Variants in CLMP observed in about 807,000 individuals in gnomAD.
The protein encoded by CLMP is CXADR like cell adhesion molecule.
A neutral mutation model predicts 45.2 loss-of-function variants in CLMP; 27 were observed. The ratio of observed to expected loss-of-function variants is 0.60; its 90% CI spans 0.44 to 0.82. The LOEUF is 0.82. Among genes scored for constraint, CLMP ranks in the 40% least tolerant of loss-of-function variants. The pLI is 0.00. For synonymous variants in CLMP, 167 were observed against 171.4 expected, an observed-to-expected ratio of 0.97 and a Z score of 0.20; for missense variants, 403 against 448.4, an observed-to-expected ratio of 0.90 and a Z score of 0.91.
intron 1 of CLMP, among the ~76,000 whole-genome samples, chr11:123,119,035 CTCTCTCTCT>C: frequency 1.8e-5 from 1 of 56,472 alleles, no homozygotes; most frequent in African/African-American, 9.6e-5. Flanking sequence ...CTCTCTCTCT[CTCTCTCTCT>C]CCCTCTCCCT....
intron 2 of CLMP, among the ~76,000 whole-genome samples, chr11:123,085,595 TA>T (rs35921171): frequency 0.55 from 45,087 of 82,208 alleles, 9,806 homozygotes; most frequent in Middle Eastern, 0.59. Context: ...GCTACAAAGA[TA>T]AAAAAAAAAA....
At chr11:123,160,087 T>G (rs758124200) in intron 1 of CLMP, among the ~76,000 whole-genome samples, 25 of 151,964 alleles carry the variant, frequency 1.6e-4, no homozygotes, top group Non-Finnish European at 3.5e-4. Flanking sequence ...GAGGCCAGCC[T>G]GGTCAACATG....
intron 2 of CLMP, among the ~76,000 whole-genome samples, chr11:123,095,367 C>T (rs1480042904): frequency 1.3e-5 from 2 of 152,032 alleles, no homozygotes; most frequent in African/African-American, 4.8e-5. Context: ...ATCTCAGCTC[C>T]AAGCTATTCT....
chr11:123,159,070 T>C (rs1203928305), intron 1 of CLMP, among the ~76,000 whole-genome samples: 1 of 152,168 alleles, frequency 6.6e-6, no homozygotes, highest in Non-Finnish European at 1.5e-5. Context: ...TAGGCCTAGT[T>C]CTAAGACATT....
At chr11:123,138,344 A>AT (rs1861106548) in intron 1 of CLMP, among the ~76,000 whole-genome samples, 1 of 151,622 alleles carries the variant, frequency 6.6e-6, no homozygotes, top group African/African-American at 2.4e-5. Flanking sequence ...CCTGTTACGA[A>AT]TTTTATGAAG....
intron 2 of CLMP, among the ~76,000 whole-genome samples, chr11:123,096,285 C>T (rs1339315869): frequency 6.6e-6 from 1 of 151,920 alleles, no homozygotes; most frequent in Non-Finnish European, 1.5e-5. Context: ...ACCCAGGAGG[C>T]GGAGGTGGCA....
chr11:123,157,508 G>A (rs1296315008), intron 1 of CLMP, among the ~76,000 whole-genome samples: 2 of 151,782 alleles, frequency 1.3e-5, no homozygotes, highest in African/African-American at 4.8e-5. Flanking sequence ...AGCCGAGATC[G>A]CGCCATTGCA....
At chr11:123,194,640 C>G (rs1861954217) in intron 1 of CLMP, among the ~76,000 whole-genome samples, 1 of 152,240 alleles carries the variant, frequency 6.6e-6, no homozygotes, top group African/African-American at 2.4e-5. Context: ...TTCCCAGATA[C>G]ACCAGAAACT....
intron 1 of CLMP, among the ~76,000 whole-genome samples, chr11:123,119,889 G>A (rs1362207544): frequency 6.6e-6 from 1 of 152,096 alleles, no homozygotes; most frequent in South Asian, 2.1e-4. Context: ...GTTTCACCAT[G>A]TTGGCTAGGC....
intron 2 of CLMP, among the ~76,000 whole-genome samples, chr11:123,093,057 G>A (rs536149420): frequency 6.6e-6 from 1 of 151,204 alleles, no homozygotes; most frequent in South Asian, 2.1e-4. Context: ...ACAGGCACCC[G>A]CCATCACTCC....
At chr11:123,126,576 G>A (rs1860898065) in intron 1 of CLMP, among the ~76,000 whole-genome samples, 1 of 152,018 alleles carries the variant, frequency 6.6e-6, no homozygotes, top group Non-Finnish European at 1.5e-5. Context: ...TTCTACTCTT[G>A]AGCTAAGTTT....
rs369149917 is a variant in CLMP, at chr11:123,124,933, G to C, written c.29-26981C>G. On this transcript the variant is annotated intron_variant, in intron 1 of 6. Transcript: ENST00000448775. The stretch of plus-strand genomic sequence containing the variant: ...CTTTTTTGAGACAGGGTCTGGCTCT[G>C]TCACCCAGGCTGGAGTGCAGTGGTG... 3.2e-4 allele frequency among the ~76,000 whole-genome samples: 49 copies of C among 152,256 alleles called. 2 individuals are homozygous for C. The highest frequency in any genetic ancestry group is 1.1e-3 in the Admixed American group (17 of 15,290).
chr11:123,088,705 A>G (rs901732051), intron 2 of CLMP, among the ~76,000 whole-genome samples: 1 of 152,126 alleles, frequency 6.6e-6, no homozygotes, highest in East Asian at 1.9e-4. Flanking sequence ...CACTCATTGC[A>G]ACCTCCGCCT....
At chr11:123,157,617 G>T (rs1248739623) in intron 1 of CLMP, among the ~76,000 whole-genome samples, 1 of 151,818 alleles carries the variant, frequency 6.6e-6, no homozygotes. Flanking sequence ...TACTCCGGAG[G>T]CTGAGGCAGG....
At chr11:123,167,179 G>A (rs540166776) in intron 1 of CLMP, among the ~76,000 whole-genome samples, 4 of 152,278 alleles carry the variant, frequency 2.6e-5, no homozygotes, top group African/African-American at 7.2e-5. Flanking sequence ...CATTATTATC[G>A]TCCTTTGTTT....
At chr11:123,096,381 A>C (rs1865989690) in intron 2 of CLMP, among the ~76,000 whole-genome samples, 1 of 151,504 alleles carries the variant, frequency 6.6e-6, no homozygotes, top group Non-Finnish European at 1.5e-5. Flanking sequence ...AAAATCAGCC[A>C]GGCGTGGTGG....
chr11:123,094,948 T>A (rs1031134896), intron 2 of CLMP, among the ~76,000 whole-genome samples: 1 of 152,066 alleles, frequency 6.6e-6, no homozygotes, highest in Non-Finnish European at 1.5e-5. Context: ...TTGTAAAAAA[T>A]TATTAAATGT....
chr11:123,159,911 G>A (rs1861461920), intron 1 of CLMP, among the ~76,000 whole-genome samples: 1 of 152,168 alleles, frequency 6.6e-6, no homozygotes, highest in Admixed American at 6.5e-5. Flanking sequence ...TGATGATGAT[G>A]ATAATTTTAT....
intron 2 of CLMP, among the ~76,000 whole-genome samples, chr11:123,089,417 TAA>T (rs1555078611): frequency 1.3e-5 from 2 of 151,506 alleles, no homozygotes; most frequent in Non-Finnish European, 2.9e-5. Flanking sequence ...TACTGAAACA[TAA>T]GTTTCATGAG....
Sources: gnomAD v4.1 joint callset for allele counts (sites outside exome capture counted in the v4.1 genomes callset) on GRCh38, gnomAD v4.1.1 for gene constraint, MANE v1.5 for transcripts, NCBI Gene and HGNC (gene_info 2026-07-23, HGNC 2026-07-21) for gene names.